CDC123: variants seen among roughly 807,000 people sequenced by gnomAD.
The protein encoded by CDC123 is translation initiation factor eIF2 assembly protein.
Under a neutral mutation model 54.4 loss-of-function variants are expected in CDC123, and 37 were observed. That is an observed-to-expected ratio of 0.68 (90% CI 0.52 to 0.89). The LOEUF (loss-of-function observed/expected upper bound fraction) is 0.89. Ranked by LOEUF, CDC123 falls within the 40% of genes least tolerant of loss-of-function variation. CDC123 has a pLI of 0.00. For missense variants in CDC123, 361 were observed against 412.1 expected, an observed-to-expected ratio of 0.88 and a Z score of 1.07; for synonymous variants, 144 against 136.8, an observed-to-expected ratio of 1.05 and a Z score of -0.37.
chr10:12,206,769 C>T (rs189087374), intron 2 of CDC123, among the ~76,000 whole-genome samples: 180 of 152,048 alleles, frequency 1.2e-3, no homozygotes, highest in East Asian at 3.5e-3. Context: ...CCATCCTGGC[C>T]AACACGGTGA....
intron 6 of CDC123, among the ~76,000 whole-genome samples, chr10:12,222,843 T>A (rs1488305455): frequency 2.0e-5 from 3 of 152,028 alleles, no homozygotes; most frequent in Non-Finnish European, 2.9e-5. Context: ...ACCCTCTGCC[T>A]CCCACAGTCC....
At position 12,235,089 on chromosome 10, in the gene CDC123, G is replaced by A. The variant is rs2097989871; in HGVS notation, c.531G>A (p.Glu177=). The change falls in exon 8 of 13, where the codon GAG becomes GAA. Residue 177 remains glutamate (E), a synonymous_variant. Transcript: ENST00000281141. The part of the protein sequence containing the change: ...RKWCELIPGA[E]FRCFVKENKL... The stretch of plus-strand genomic sequence containing the variant: ...GGTGTGAATTGATTCCTGGGGCTGA[G>A]TTTCGATGTTTTGTCAAGGAAAACA... The A allele has an allele frequency of 6.2e-7, 1 of 1,614,006 alleles. No individual in the cohort carries two copies. Among genetic ancestry groups the A allele is most frequent in the Non-Finnish European group, 8.5e-7 (1 of 1,179,942 alleles).
Position 12,217,355 on chromosome 10 carries a change from C to T in CDC123, c.334-6C>T. On this transcript the variant is annotated splice_region_variant and splice_polypyrimidine_tract_variant and intron_variant, in intron 5 of 12. Transcript: ENST00000281141. Reference sequence around the variant, plus strand: ...TGGACTAAATAGCATGTGCTTCATTCTTTAGGATGCGTATTGGATAGCAAT... The same window carrying T: ...TGGACTAAATAGCATGTGCTTCATTTTTTAGGATGCGTATTGGATAGCAAT... The T allele has an allele frequency of 3.7e-6, 6 of 1,609,832 alleles. No individual in the cohort carries two copies. The highest frequency in any genetic ancestry group is 1.3e-5 in the African/African-American group (1 of 74,948).
Position 12,249,650 on chromosome 10 carries a change from C to T in CDC123, c.916C>T (p.Leu306=), listed in dbSNP as rs1358594060. The change falls in exon 12 of 13, where the codon CTA becomes TTA. Residue 306 remains leucine, a synonymous_variant. Transcript: ENST00000281141. ...VQPSPYLSYR[L]PKDFVDLSTG... ...GCCCAGCCCCTATTTGAGTTACCGG[C>T]TACCCAAGGACTTTGTAGACCTCTC... The T allele has an allele frequency of 1.9e-6, 3 of 1,614,202 alleles. No individual in the cohort carries two copies. The highest frequency in any genetic ancestry group is 2.5e-6 in the Non-Finnish European group (3 of 1,180,032).
rs186734970 is a variant in CDC123 at position 12,235,258 on chromosome 10, C to G, written c.565+135C>G. 6.4e-5 allele frequency: 44 copies of G among 691,304 alleles called. No homozygotes were observed. In the Admixed American group the frequency reaches 1.0e-3, roughly 16 times the overall value. The allele number at this position is 691,304 out of a possible 1,614,324, so 42.8% of individuals were successfully genotyped here. A position where few individuals can be genotyped will look rare whatever the true frequency, so the allele number is the denominator to read the frequency against. The stretch of plus-strand genomic sequence containing the variant: ...TTTCATCTCAGATGCCACCTCTAAC[C>G]AGTTGATACTGACTCTCTGGAATGC... On this transcript the variant is annotated intron_variant, in intron 8 of 12. Coordinates refer to ENST00000281141, the MANE Select transcript of CDC123 (RefSeq NM_006023.3).
chr10:12,239,696 G>A (rs1265560012), intron 10 of CDC123, among the ~76,000 whole-genome samples: 19 of 123,888 alleles, frequency 1.5e-4, no homozygotes, highest in South Asian at 5.8e-4. Flanking sequence ...CAACAAGAGC[G>A]AAACTCTGTT....
chr10:12,230,317 C>T (rs1160478820), intron 6 of CDC123, among the ~76,000 whole-genome samples: 2 of 151,834 alleles, frequency 1.3e-5, no homozygotes, highest in African/African-American at 2.4e-5. Flanking sequence ...CTCAGCCTCT[C>T]GAGTAGCTGG....
At chr10:12,202,818 C>T (rs1261731134) in intron 2 of CDC123, among the ~76,000 whole-genome samples, 3 of 152,156 alleles carry the variant, frequency 2.0e-5, no homozygotes, top group Non-Finnish European at 2.9e-5. Context: ...AATTTGAGAC[C>T]GGCTTGGCCA....
intron 6 of CDC123, among the ~76,000 whole-genome samples, chr10:12,229,570 C>CAGCA (rs1488378827): frequency 6.6e-6 from 1 of 152,250 alleles, no homozygotes; most frequent in Non-Finnish European, 1.5e-5. Context: ...CTCCGACACA[C>CAGCA]AGCAGCCAGC....
rs900409546 is a variant in CDC123, at chr10:12,196,245, G to A, written c.-1G>A. On this transcript the variant is annotated 5_prime_UTR_variant, in exon 1 of 13. Coordinates refer to ENST00000281141, the MANE Select transcript of CDC123 (RefSeq NM_006023.3). ...AAGGCAGCAGCGGCGGCAGCTGGAG[G>A]ATGAAGAAGGAGCATGTGCTTCACT... 1.9e-6 allele frequency: 3 copies of A among 1,613,852 alleles called. No homozygotes were observed. Among genetic ancestry groups the A allele is most frequent in the Non-Finnish European group, 2.5e-6 (3 of 1,179,928 alleles).
chr10:12,234,130 T>C (rs1463433189), intron 7 of CDC123, among the ~76,000 whole-genome samples: 1 of 152,220 alleles, frequency 6.6e-6, no homozygotes, highest in Admixed American at 6.5e-5. Flanking sequence ...TTTTGCTCTG[T>C]CGCCCAGGCT....
At chr10:12,243,885 A>C (rs529076018) in intron 10 of CDC123, among the ~76,000 whole-genome samples, 4 of 152,192 alleles carry the variant, frequency 2.6e-5, no homozygotes, top group African/African-American at 4.8e-5. Context: ...AGTATTCTCC[A>C]AAATAAAGTT....
At chr10:12,249,139 A>AAAT (rs1279186059) in intron 11 of CDC123, among the ~76,000 whole-genome samples, 5 of 151,886 alleles carry the variant, frequency 3.3e-5, no homozygotes, top group African/African-American at 1.2e-4. Flanking sequence ...AAAAAAAAAA[A>AAAT]AAAAATAGTT....
At chr10:12,205,463 C>G (rs996826992) in intron 2 of CDC123, among the ~76,000 whole-genome samples, 3 of 152,212 alleles carry the variant, frequency 2.0e-5, no homozygotes, top group Non-Finnish European at 2.9e-5. Context: ...ACACTTTTGA[C>G]CCCAAGCATT....
At chr10:12,196,342 C>G (rs202058655) in intron 1 of CDC123, 23 bp downstream of exon 1, 1 of 1,613,760 alleles carries the variant, frequency 6.2e-7, no homozygotes, top group East Asian at 2.2e-5. Flanking sequence ...GGGGTTCGCC[C>G]GGTCGACCGG....
chr10:12,207,802 T>G (rs190776707), intron 2 of CDC123, among the ~76,000 whole-genome samples: 2 of 152,294 alleles, frequency 1.3e-5, no homozygotes, highest in Admixed American at 6.5e-5. Context: ...CACCCCCATA[T>G]TCATTTGGGC....
chr10:12,219,331 AGT>A (rs1161572714), intron 6 of CDC123, among the ~76,000 whole-genome samples: 7 of 151,872 alleles, frequency 4.6e-5, no homozygotes, highest in Non-Finnish European at 1.0e-4. Flanking sequence ...TATAGAAAAA[AGT>A]GTGTGTGTGT....
chr10:12,227,514 A>G (rs1413721246), intron 6 of CDC123, among the ~76,000 whole-genome samples: 1 of 142,422 alleles, frequency 7.0e-6, no homozygotes, highest in Non-Finnish European at 1.5e-5. Context: ...TTTTTTCTTT[A>G]TGAGACAGAG....
Position 12,245,996 on chromosome 10 carries a change from G to A in CDC123, c.718-153G>A. On this transcript the variant is annotated intron_variant, in intron 10 of 12. Transcript: ENST00000281141. ...GAGGCAGGAGGATCCTTTGAGCCCA[G>A]GAGGTCGAGGCTGCAGTGAGCCGTG... 3 of 701,556 alleles carry A rather than the reference G, an allele frequency of 4.3e-6. No homozygotes were observed. The South Asian group carries it at 6.0e-5, about 14-fold the overall frequency. 43.5% of individuals were successfully genotyped at this position (701,556 alleles called of 1,614,324 possible).
Sources: allele counts gnomAD v4.1 joint callset (sites outside exome capture counted in the v4.1 genomes callset), GRCh38; gene constraint gnomAD v4.1.1; transcripts MANE v1.5; gene names NCBI Gene and HGNC (gene_info 2026-07-23, HGNC 2026-07-21).